Variants in HK2 observed in about 807,000 individuals in gnomAD.
The protein encoded by HK2 is hexokinase-2.
Under a neutral mutation model 92.9 loss-of-function variants are expected in HK2, and 42 were observed. That is an observed-to-expected ratio of 0.45 (90% CI 0.35 to 0.58). HK2 has a LOEUF of 0.58. Ranked by LOEUF, HK2 falls within the 20% of genes least tolerant of loss-of-function variation. The pLI is 0.00. For missense variants in HK2, 978 were observed against 1,245.1 expected, an observed-to-expected ratio of 0.79 and a Z score of 3.23; for synonymous variants, 422 against 468.0, an observed-to-expected ratio of 0.90 and a Z score of 1.27.
chr2:74,834,532 C>T lies in HK2; in HGVS notation c.-49C>T. ...GGACCGCGCCGCCCGCCTCCCCTCT[C>T]GCGTCTCCGCCTCGGTTTCCCAACT... On this transcript the variant is annotated 5_prime_UTR_variant, in exon 1 of 18. Coordinates refer to ENST00000290573, the MANE Select transcript of HK2 (RefSeq NM_000189.5). The surrounding 1 kb of genome is among the most constrained non-coding windows in gnomAD (Gnocchi z 4.2). The T allele has an allele frequency of 6.3e-7, 1 of 1,597,454 alleles. No individual in the cohort carries two copies. Among genetic ancestry groups the T allele is most frequent in the Non-Finnish European group, 8.6e-7 (1 of 1,165,178 alleles).
Position 74,885,153 on chromosome 2 carries a change from C to T in HK2, c.1840-341C>T, listed in dbSNP as rs145934795. On this transcript the variant is annotated intron_variant, in intron 12 of 17. Transcript: ENST00000290573. ...GGGGTCGGAGGGCCTCGGAGTGCAT[C>T]CTGCTTCTCTCTTCCAAGCTGTAGG... Among the ~76,000 whole-genome samples the T allele has an allele frequency of 6.5e-4, 99 of 152,286 alleles. 3 individuals carry two copies. Among genetic ancestry groups the T allele is most frequent in the African/African-American group, 2.3e-3 (94 of 41,552 alleles).
rs1330535696 is a variant in HK2, at chr2:74,867,624, C to G, written c.227-12C>G. 6.2e-7 allele frequency: 1 copy of G among 1,612,460 alleles called. No individual in the cohort carries two copies. The highest frequency in any genetic ancestry group is 8.5e-7 in the Non-Finnish European group (1 of 1,179,938). On this transcript the variant is annotated splice_polypyrimidine_tract_variant and intron_variant, in intron 2 of 17. Transcript: ENST00000290573. ...TGCCCAAAATTAATAGTGGCCCTTC[C>G]TTTCTCTGCAGAACACGGAGAGTTC...
At chr2:74,859,482 C>T (rs915336604) in intron 2 of HK2, among the ~76,000 whole-genome samples, 7 of 152,066 alleles carry the variant, frequency 4.6e-5, no homozygotes, top group East Asian at 1.9e-4. Flanking sequence ...GTCAGGAGAT[C>T]GAGATCATCC....
intron 7 of HK2, among the ~76,000 whole-genome samples, chr2:74,875,258 A>G (rs1689198300): frequency 6.6e-6 from 1 of 150,942 alleles, no homozygotes; most frequent in Non-Finnish European, 1.5e-5. Context: ...GCAGATCTCT[A>G]CTTGGACAGG....
In HK2 at chr2:74,876,889, C is replaced by A. The variant is rs28363011; in HGVS notation, c.876-277C>A. ...CCTACGCATAACTTTACCTAAAATA[C>A]AGGCTGTTCCAGAATGTTCCATACT... On this transcript the variant is annotated intron_variant, in intron 7 of 17. Transcript: ENST00000290573. Among the ~76,000 whole-genome samples, 1,493 of 152,290 alleles carry A rather than the reference C, an allele frequency of 9.8e-3. 26 individuals are homozygous for A. Among genetic ancestry groups the A allele is most frequent in the African/African-American group, 0.034 (1,417 of 41,538 alleles).
At chr2:74,843,667 A>G (rs1688368012) in intron 1 of HK2, among the ~76,000 whole-genome samples, 1 of 152,064 alleles carries the variant, frequency 6.6e-6, no homozygotes, top group African/African-American at 2.4e-5. Flanking sequence ...GGATGCTTGG[A>G]GGTGGTCCAT....
At chr2:74,838,774 G>T (rs753101813) in intron 1 of HK2, among the ~76,000 whole-genome samples, 6 of 152,172 alleles carry the variant, frequency 3.9e-5, no homozygotes, top group Non-Finnish European at 5.9e-5. Context: ...TCCTGACCTC[G>T]TGATCTGCCT....
intron 9 of HK2, 86 bp from the exon 10 acceptor site, chr2:74,880,179 T>G: frequency 6.8e-7 from 1 of 1,478,302 alleles, no homozygotes; most frequent in Non-Finnish European, 9.4e-7. Context: ...GGCATTTGGA[T>G]TAAGGCGGTG....
intron 1 of HK2, among the ~76,000 whole-genome samples, chr2:74,850,871 C>T (rs1287947658): frequency 2.0e-5 from 3 of 152,034 alleles, no homozygotes; most frequent in African/African-American, 7.2e-5. Context: ...CCTGAGTGGC[C>T]CTAATAAGCT....
In HK2 at chr2:74,892,870, C is replaced by T. The variant is rs563943186; in HGVS notation, c.*1929C>T. On this transcript the variant is annotated 3_prime_UTR_variant, in exon 18 of 18. Coordinates refer to ENST00000290573, the MANE Select transcript of HK2 (RefSeq NM_000189.5). ...GCTGTCTGGTGTAGCTCCTCTGCTG[C>T]TCCCATCTGCACTAATTGACCCAAA... 2 of 152,280 alleles carry T rather than the reference C, an allele frequency of 1.3e-5. No homozygotes were observed. Among genetic ancestry groups the T allele is most frequent in the Admixed American group, 1.3e-4 (2 of 15,302 alleles). 9.4% of individuals were successfully genotyped at this position (152,280 alleles called of 1,614,324 possible).
At chr2:74,846,607 G>C (rs986499166) in intron 1 of HK2, among the ~76,000 whole-genome samples, 2 of 152,178 alleles carry the variant, frequency 1.3e-5, no homozygotes, top group Non-Finnish European at 2.9e-5. Flanking sequence ...TGCATGTAGT[G>C]GTAGGTGGTG....
At chr2:74,864,466 G>T (rs147770938) in intron 2 of HK2, among the ~76,000 whole-genome samples, 1 of 152,254 alleles carries the variant, frequency 6.6e-6, no homozygotes, top group Non-Finnish European at 1.5e-5. Flanking sequence ...TCTATTAACG[G>T]AGGAATAATT....
intron 2 of HK2, among the ~76,000 whole-genome samples, chr2:74,862,075 A>C (rs750161056): frequency 6.6e-6 from 1 of 152,242 alleles, no homozygotes; most frequent in Non-Finnish European, 1.5e-5. Context: ...AATTGTAGAC[A>C]TCGTTAGTGC....
intron 1 of HK2, among the ~76,000 whole-genome samples, chr2:74,837,672 CTTTTTTTTTTT>C (rs894014535): frequency 1.9e-5 from 2 of 104,132 alleles, no homozygotes; most frequent in Admixed American, 2.2e-4. Context: ...TTGCCCTTGT[CTTTTTTTTTTT>C]TTTTTTTTTT....
chr2:74,854,648 A>T (rs1424354063), intron 2 of HK2, among the ~76,000 whole-genome samples, 193 bp downstream of exon 2: 1 of 152,214 alleles, frequency 6.6e-6, no homozygotes, highest in Non-Finnish European at 1.5e-5. Context: ...CTGGCAGTTA[A>T]GGGAGGGCAC....
chr2:74,843,079 A>G (rs1379314598), intron 1 of HK2, among the ~76,000 whole-genome samples: 1 of 152,136 alleles, frequency 6.6e-6, no homozygotes, highest in African/African-American at 2.4e-5. Context: ...CACAGGGGAA[A>G]TCATTTGCAG....
chr2:74,868,716 C>A (rs995845310), intron 3 of HK2, among the ~76,000 whole-genome samples: 2 of 152,042 alleles, frequency 1.3e-5, no homozygotes, highest in Non-Finnish European at 2.9e-5. Flanking sequence ...CCACATCCCC[C>A]AGATGATAAA....
At chr2:74,855,979 C>G (rs954526500) in intron 2 of HK2, among the ~76,000 whole-genome samples, 1 of 151,810 alleles carries the variant, frequency 6.6e-6, no homozygotes. Flanking sequence ...AGGCCCATGA[C>G]GGGTGGTGGG....
At position 74,884,008 on chromosome 2, in the gene HK2, G is replaced by A. The variant is rs556809672; in HGVS notation, c.1840-1486G>A. On this transcript the variant is annotated intron_variant, in intron 12 of 17. Coordinates refer to ENST00000290573, the MANE Select transcript of HK2 (RefSeq NM_000189.5). ...TAAAAAAACATAAAATACAATTAAT[G>A]GGATGATAAAAGCATAACCCTCCAG... is the stretch of plus-strand genomic sequence containing the variant. 1.7e-4 allele frequency among the ~76,000 whole-genome samples: 26 copies of A among 152,188 alleles called. No individual in the cohort carries two copies. In the South Asian group the frequency reaches 5.2e-3, roughly 30 times the overall value.
Sources: allele counts gnomAD v4.1 joint callset (sites outside exome capture counted in the v4.1 genomes callset), GRCh38; gene constraint gnomAD v4.1.1; non-coding constraint Gnocchi (gnomAD v3.1); transcripts MANE v1.5; gene names NCBI Gene and HGNC (gene_info 2026-07-23, HGNC 2026-07-21).